The following TET1 variants were observed in gnomAD, a reference collection of about 807,000 sequenced individuals.
TET1 encodes the protein tet methylcytosine dioxygenase 1, also known as methylcytosine dioxygenase TET1.
A neutral mutation model predicts 148.7 loss-of-function variants in TET1; 13 were observed. The observed-to-expected ratio is 0.09, with a 90% CI of 0.06 to 0.14. The LOEUF is 0.14. TET1 is among the 10% of genes least tolerant of loss of function. TET1 has a pLI of 1.00. For synonymous variants in TET1, 907 were observed against 937.2 expected, an observed-to-expected ratio of 0.97 and a Z score of 0.59; for missense variants, 2,182 against 2,553.8, an observed-to-expected ratio of 0.85 and a Z score of 3.14.
At chr10:68,561,712 C>G (rs1182233748) in intron 1 of TET1, among the ~76,000 whole-genome samples, 5 of 144,916 alleles carry the variant, frequency 3.5e-5, no homozygotes, top group Non-Finnish European at 4.6e-5. Flanking sequence ...CCCTCTCCCC[C>G]GCTCCGGTCC....
chr10:68,588,429 G>A (rs1473893141), intron 2 of TET1, among the ~76,000 whole-genome samples: 2 of 152,178 alleles, frequency 1.3e-5, no homozygotes, highest in South Asian at 4.1e-4. Context: ...CAGGTAACTT[G>A]CTTAAGAACA....
At chr10:68,668,427 G>A (rs2055223996) in intron 7 of TET1, among the ~76,000 whole-genome samples, 3 of 152,176 alleles carry the variant, frequency 2.0e-5, no homozygotes, top group African/African-American at 7.2e-5. Flanking sequence ...GCTCTAGGTG[G>A]TTTCACTTAT....
chr10:68,673,210 G>A (rs937715566), intron 8 of TET1, among the ~76,000 whole-genome samples, 165 bp downstream of exon 8: 1 of 151,794 alleles, frequency 6.6e-6, no homozygotes, highest in Non-Finnish European at 1.5e-5. Flanking sequence ...AATTAATTAA[G>A]ACTCTAAATA....
At chr10:68,652,432 C>A in intron 5 of TET1, 69 bp from the exon 6 acceptor site, 1 of 1,166,156 alleles carries the variant, frequency 8.6e-7, no homozygotes, top group Non-Finnish European at 1.2e-6. Context: ...TTAAGATGTT[C>A]AAAGCCAAAG....
chr10:68,613,390 A>G (rs1023472522), intron 3 of TET1, among the ~76,000 whole-genome samples: 9 of 152,212 alleles, frequency 5.9e-5, no homozygotes, highest in African/African-American at 2.2e-4. Context: ...AGTTTCAGGT[A>G]GGTTGTCCAA....
intron 3 of TET1, among the ~76,000 whole-genome samples, chr10:68,624,382 C>T (rs1263473261): frequency 1.3e-5 from 2 of 152,070 alleles, no homozygotes; most frequent in African/African-American, 4.8e-5. Context: ...CTCCGCCTTC[C>T]GGGTTCAAGC....
chr10:68,652,006 C>A, intron 5 of TET1, 70 bp downstream of exon 5: 1 of 1,383,332 alleles, frequency 7.2e-7, no homozygotes, highest in South Asian at 1.2e-5. Flanking sequence ...TAAATCATCT[C>A]TAAGAACAAA....
In TET1 at chr10:68,572,652, C is replaced by T. The variant is rs200477577; in HGVS notation, c.314C>T (p.Ala105Val). ...ESLTCNGFTM[A>V]LRSTSLSRRL... Reference sequence around the variant, plus strand: ...TTAACCTGCAATGGGTTTACAATGGCGCTACGAAGCACCTCTCTTAGCAGG... The same window carrying T: ...TTAACCTGCAATGGGTTTACAATGGTGCTACGAAGCACCTCTCTTAGCAGG... The change falls in exon 2 of 12, where the codon GCG (alanine) becomes GTG (valine). Residue 105 changes from alanine to valine, a missense_variant. This residue lies in a region of TET1 where 665 missense variants were observed against 672.4 expected (regional missense o/e 0.99). Coordinates refer to ENST00000373644, the MANE Select transcript of TET1 (RefSeq NM_030625.3). 9.3e-6 allele frequency: 15 copies of T among 1,614,116 alleles called. No individual in the cohort carries two copies. The East Asian group carries it at 2.0e-4, about 22-fold the overall frequency.
rs770652473 is a variant in TET1, at chr10:68,573,921, T to A, written c.1583T>A (p.Leu528Gln). ...GAGAGAGGACTCTTCCATGCTTCACTGGGTATAGCCCAACTCTCTCAGGCT... is the reference window on the plus strand; with the variant it reads ...GAGAGAGGACTCTTCCATGCTTCACAGGGTATAGCCCAACTCTCTCAGGCT... ...APERGLFHAS[L>Q]GIAQLSQAGP... Residue 528 changes from leucine to glutamine, a missense_variant, in exon 2 of 12, where the codon CTG becomes CAG. Physicochemically the swap from Leu to Gln is moderately radical, Grantham distance 113. Transcript: ENST00000373644. 1 of 1,614,174 alleles carries A rather than the reference T, an allele frequency of 6.2e-7. No individual in the cohort carries two copies. Among genetic ancestry groups the A allele is most frequent in the Non-Finnish European group, 8.5e-7 (1 of 1,180,016 alleles).
chr10:68,575,274 C>T (rs1429734576), intron 2 of TET1, among the ~76,000 whole-genome samples: 3 of 151,996 alleles, frequency 2.0e-5, no homozygotes, highest in African/African-American at 7.3e-5. Flanking sequence ...ATCCCAGCTA[C>T]TCTGGAGGCT....
At chr10:68,612,977 C>T (rs1461385252) in intron 3 of TET1, among the ~76,000 whole-genome samples, 1 of 152,150 alleles carries the variant, frequency 6.6e-6, no homozygotes, top group Non-Finnish European at 1.5e-5. Flanking sequence ...TTTTGTTCTC[C>T]ACAGTGTCTA....
chr10:68,594,980 CAAAA>C (rs71019034), intron 2 of TET1, among the ~76,000 whole-genome samples: 2 of 108,836 alleles, frequency 1.8e-5, no homozygotes, highest in African/African-American at 3.5e-5. Context: ...GACACCATCT[CAAAA>C]AAAAAAAAAA....
Position 68,632,763 on chromosome 10 carries a change from G to A in TET1, c.1969-11935G>A, listed in dbSNP as rs1589095935. 2.6e-6 allele frequency: 4 copies of A among 1,541,402 alleles called. No homozygotes were observed. In the East Asian group the frequency reaches 9.1e-5, roughly 35 times the overall value. On this transcript the variant is annotated intron_variant, in intron 3 of 11. Transcript: ENST00000373644. ...GCATAGAAAAGAAGTCAATGTAAAC[G>A]AAGTTAAGATCAACCACATAAAACA...
intron 2 of TET1, among the ~76,000 whole-genome samples, chr10:68,588,020 GC>G (rs1291945709): frequency 6.6e-6 from 1 of 151,886 alleles, no homozygotes; most frequent in Non-Finnish European, 1.5e-5. Flanking sequence ...GCACCATTAC[GC>G]CTGGCTAATT....
intron 6 of TET1, among the ~76,000 whole-genome samples, chr10:68,658,436 C>T (rs972475131): frequency 1.3e-5 from 2 of 152,092 alleles, no homozygotes; most frequent in African/African-American, 4.8e-5. Context: ...ACCGCGACAG[C>T]CCTCTTGTCT....
chr10:68,674,620 C>G, intron 8 of TET1: 1 of 486,948 alleles, frequency 2.1e-6, no homozygotes. Flanking sequence ...GCTTCCATGG[C>G]GTGGATCTTA....
intron 3 of TET1, among the ~76,000 whole-genome samples, chr10:68,604,193 C>G (rs575738547): frequency 3.9e-4 from 59 of 152,080 alleles, no homozygotes; most frequent in Non-Finnish European, 7.4e-4. Flanking sequence ...ATAACTTTTA[C>G]TTTGTGTGTG....
At chr10:68,669,474 C>CTTTTTTTTTTTTTTT (rs3085667) in intron 7 of TET1, among the ~76,000 whole-genome samples, 325 of 61,170 alleles carry the variant, frequency 5.3e-3, no homozygotes, top group Non-Finnish European at 6.7e-3. Context: ...CCATGCCCAG[C>CTTTTTTTTTTTTTTT]TTTTTTTTTT....
At chr10:68,674,879 A>G in intron 8 of TET1, 1 of 406,978 alleles carries the variant, frequency 2.5e-6, no homozygotes, top group South Asian at 2.1e-5. Context: ...CAATAAATTG[A>G]TTCCAGACAG....
Sources: gnomAD v4.1 joint callset for allele counts (sites outside exome capture counted in the v4.1 genomes callset) on GRCh38, gnomAD v4.1.1 for gene constraint, gnomAD v4.1.1 regional missense constraint, MANE v1.5 for transcripts, NCBI Gene and HGNC (gene_info 2026-07-23, HGNC 2026-07-21) for gene names.